Variants in SLC4A7 observed in about 807,000 individuals in gnomAD.
SLC4A7 encodes the protein sodium bicarbonate cotransporter 3.
SLC4A7 carries 51 observed loss-of-function variants against 137.6 expected under a neutral mutation model. The observed-to-expected ratio is 0.37, with a 90% confidence interval of 0.30 to 0.47. SLC4A7 has a LOEUF of 0.47. Ranked by LOEUF, SLC4A7 falls within the 20% of genes least tolerant of loss-of-function variation. The pLI is 1.00. For synonymous variants in SLC4A7, 542 were observed against 518.6 expected (o/e 1.05, Z -0.61); for missense variants, 1,247 against 1,525.4 (o/e 0.82, Z 3.04).
chr3:27,448,540 G>A (rs1337844704), intron 3 of SLC4A7, 111 bp downstream of exon 3: 1 of 802,652 alleles, frequency 1.2e-6, no homozygotes, highest in Non-Finnish European at 2.0e-6. Flanking sequence ...CATACAATGT[G>A]ACTACATTAA....
intron 7 of SLC4A7, 61 bp from the exon 8 acceptor site, chr3:27,424,213 G>T: frequency 1.3e-6 from 1 of 797,156 alleles, no homozygotes; most frequent in Non-Finnish European, 2.1e-6. Context: ...ACCTGATTCT[G>T]CTCACATTCT....
At chr3:27,421,085 G>A (rs1221661805) in intron 9 of SLC4A7, among the ~76,000 whole-genome samples, 4 of 151,990 alleles carry the variant, frequency 2.6e-5, no homozygotes, top group Non-Finnish European at 4.4e-5. Context: ...GTGAGCCACT[G>A]TGCCCAGCCG....
intron 3 of SLC4A7, among the ~76,000 whole-genome samples, chr3:27,441,770 G>A (rs893905373): frequency 5.9e-5 from 9 of 152,144 alleles, no homozygotes; most frequent in South Asian, 4.1e-4. Context: ...ACAGGCATGC[G>A]TCAACATGTC....
intron 1 of SLC4A7, among the ~76,000 whole-genome samples, chr3:27,481,133 A>C (rs2059688201): frequency 6.6e-6 from 1 of 152,224 alleles, no homozygotes; most frequent in Admixed American, 6.5e-5. Flanking sequence ...TATTTATAAA[A>C]GGATTTAACC....
At chr3:27,428,154 T>C (rs2055853654) in intron 7 of SLC4A7, 1 of 152,978 alleles carries the variant, frequency 6.5e-6, no homozygotes, top group Non-Finnish European at 1.5e-5. Context: ...TAATTATTTT[T>C]AGGGTTGTTT....
intron 3 of SLC4A7, among the ~76,000 whole-genome samples, chr3:27,444,264 T>G (rs1455255159): frequency 6.6e-6 from 1 of 152,238 alleles, no homozygotes; most frequent in African/African-American, 2.4e-5. Context: ...TACATTCTGA[T>G]TCTGGCAATC....
At chr3:27,449,716 A>G (rs2057933239) in intron 2 of SLC4A7, among the ~76,000 whole-genome samples, 1 of 152,230 alleles carries the variant, frequency 6.6e-6, no homozygotes, top group South Asian at 2.1e-4. Context: ...TAGGAGCACT[A>G]TGTCAAATAT....
chr3:27,477,177 C>T (rs2059495930), intron 1 of SLC4A7, among the ~76,000 whole-genome samples: 1 of 152,202 alleles, frequency 6.6e-6, no homozygotes. Flanking sequence ...AAGGTTCTAC[C>T]ATACTCTTCC....
chr3:27,446,170 C>T (rs1004320183), intron 3 of SLC4A7, among the ~76,000 whole-genome samples: 2 of 150,504 alleles, frequency 1.3e-5, no homozygotes, highest in African/African-American at 2.4e-5. Context: ...TAAATGTATA[C>T]AAATTTTATT....
At chr3:27,431,253 C>T (rs761949720) in intron 7 of SLC4A7, 45 bp downstream of exon 7, 125 of 1,521,336 alleles carry the variant, frequency 8.2e-5, no homozygotes, top group Non-Finnish European at 7.8e-5. Flanking sequence ...GTGCAAGTGA[C>T]TCAGAGGCAG....
chr3:27,378,345 T>A (rs1361054468), intron 25 of SLC4A7, among the ~76,000 whole-genome samples: 1 of 152,160 alleles, frequency 6.6e-6, no homozygotes, highest in African/African-American at 2.4e-5. Context: ...AGAAAAGTTT[T>A]CATCTGATGC....
At chr3:27,382,768 T>C (rs2050555364) in intron 24 of SLC4A7, among the ~76,000 whole-genome samples, 1 of 152,108 alleles carries the variant, frequency 6.6e-6, no homozygotes, top group Non-Finnish European at 1.5e-5. Flanking sequence ...AAACGTTTAT[T>C]TTCCAGCACC....
At chr3:27,475,466 A>G (rs1429725715) in intron 1 of SLC4A7, among the ~76,000 whole-genome samples, 6 of 151,990 alleles carry the variant, frequency 3.9e-5, no homozygotes, top group Admixed American at 2.6e-4. Flanking sequence ...TATATCTGAA[A>G]CCCAAACATG....
chr3:27,482,334 A>G (rs2059747138), intron 1 of SLC4A7, among the ~76,000 whole-genome samples: 1 of 152,214 alleles, frequency 6.6e-6, no homozygotes, highest in African/African-American at 2.4e-5. Flanking sequence ...AGAACACACC[A>G]TAGTTTCTAT....
At chr3:27,473,868 A>C (rs1212340180) in intron 1 of SLC4A7, among the ~76,000 whole-genome samples, 1 of 152,142 alleles carries the variant, frequency 6.6e-6, no homozygotes, top group African/African-American at 2.4e-5. Flanking sequence ...TTGTGTGTGT[A>C]CCCAAAACAA....
At chr3:27,401,555 CTT>C (rs1157689353) in intron 15 of SLC4A7, among the ~76,000 whole-genome samples, 1 of 152,204 alleles carries the variant, frequency 6.6e-6, no homozygotes, top group Admixed American at 6.5e-5. Context: ...AGAAGACAGA[CTT>C]TGGAGTCCAT....
chr3:27,389,847 C>G (rs2051350471), intron 22 of SLC4A7, 84 bp downstream of exon 22: 1 of 1,063,594 alleles, frequency 9.4e-7, no homozygotes, highest in African/African-American at 1.6e-5. Flanking sequence ...TATTCTTTTT[C>G]TCAAAATCAA....
chr3:27,441,547 T>C (rs532681088), intron 3 of SLC4A7, among the ~76,000 whole-genome samples: 16 of 152,134 alleles, frequency 1.1e-4, no homozygotes, highest in African/African-American at 3.9e-4. Flanking sequence ...GCTGGAAGTG[T>C]AGTCACACAA....
chr3:27,400,193 C>T (rs986235172), intron 16 of SLC4A7, among the ~76,000 whole-genome samples: 2 of 152,208 alleles, frequency 1.3e-5, no homozygotes, highest in African/African-American at 4.8e-5. Flanking sequence ...CCCAACAGAA[C>T]ACAAACATCT....
Sources: gnomAD v4.1 joint callset for allele counts (sites outside exome capture counted in the v4.1 genomes callset) on GRCh38, gnomAD v4.1.1 for gene constraint, MANE v1.5 for transcripts, NCBI Gene and HGNC (gene_info 2026-07-23, HGNC 2026-07-21) for gene names.